Variants in CD7 observed in about 807,000 individuals in gnomAD.
CD7 encodes the protein CD7 molecule, also known as T-cell antigen CD7.
A neutral mutation model predicts 17.6 loss-of-function variants in CD7; 19 were observed. The observed-to-expected ratio is 1.08, with a 90% CI of 0.75 to 1.58. The LOEUF is 1.58. Among genes scored for constraint, CD7 ranks in the 40% most tolerant of loss-of-function variants. CD7 has a pLI of 0.00. For synonymous variants in CD7, 160 were observed against 159.8 expected (o/e 1.00, Z -0.01); for missense variants, 291 against 327.1 (o/e 0.89, Z 0.85).
In CD7 at chr17:82,317,449, A is replaced by G. The variant is rs771126775; in HGVS notation, c.47T>C (p.Leu16Pro). Reference protein sequence around the residue: ...RLLLLPLLLALARGLPGALAA... With the variant: ...RLLLLPLLLAPARGLPGALAA... Reference sequence around the variant, plus strand: ...CAGGGCCCCAGGCAGGCCGCGAGCCAGCGCCAGAAGCAGGGGCAGCAGCAG... The same window carrying G: ...CAGGGCCCCAGGCAGGCCGCGAGCCGGCGCCAGAAGCAGGGGCAGCAGCAG... The change falls in exon 1 of 4, where the codon CTG becomes CCG. Residue 16 changes from leucine (L) to proline (P), a missense_variant. Physicochemically the swap from Leu to Pro is moderately conservative, Grantham distance 98 (BLOSUM62 -3). Transcript: ENST00000312648. The G allele has an allele frequency of 6.4e-7, 1 of 1,573,676 alleles. No homozygotes were observed. The highest frequency in any genetic ancestry group is 8.6e-7 in the Non-Finnish European group (1 of 1,160,318).
Position 82,316,247 on chromosome 17 carries a change from G to A in CD7, c.560C>T (p.Ser187Phe). The change falls in exon 3 of 4, where the codon TCC (serine) becomes TTC (phenylalanine). Residue 187 changes from serine (S) to phenylalanine (F), a missense_variant. Transcript: ENST00000312648. The stretch of plus-strand genomic sequence containing the variant: ...CCCCAGGCCCAGCCCGAGGAGGAAG[G>A]AGATCACCGCCAGGGCCGCAGGGAG... The part of the protein sequence containing the change: ...SALPAALAVI[S>F]FLLGLGLGVA... The A allele has an allele frequency of 5.1e-6, 8 of 1,574,692 alleles. No homozygotes were observed. Among genetic ancestry groups the A allele is most frequent in the Non-Finnish European group, 6.9e-6 (8 of 1,159,454 alleles).
chr17:82,316,046 C>G, intron 3 of CD7, 149 bp downstream of exon 3: 3 of 877,992 alleles, frequency 3.4e-6, no homozygotes, highest in South Asian at 1.4e-5. Flanking sequence ...CCCTCCCCGC[C>G]GAGGCCACTT....
chr17:82,315,718 G>A (rs1034591375), intron 3 of CD7: 6 of 544,072 alleles, frequency 1.1e-5, no homozygotes, highest in East Asian at 6.3e-5. Flanking sequence ...AGCAGGGACC[G>A]AGGGGAGTGG....
intron 3 of CD7, 39 bp from the exon 4 acceptor site, chr17:82,315,470 G>A (rs1182133308): frequency 6.6e-7 from 1 of 1,513,058 alleles, no homozygotes; most frequent in Admixed American, 1.7e-5. Context: ...AGTGGCCAGC[G>A]TGGTGTCCTG....
chr17:82,317,030 A>T, intron 1 of CD7, 49 bp from the exon 2 acceptor site: 1 of 1,478,670 alleles, frequency 6.8e-7, no homozygotes, highest in African/African-American at 1.4e-5. Flanking sequence ...AAGGACAGAG[A>T]ATGTCCTCCC....
chr17:82,317,059 G>A, intron 1 of CD7, 78 bp from the exon 2 acceptor site: 1 of 1,327,994 alleles, frequency 7.5e-7, no homozygotes, highest in Non-Finnish European at 1.0e-6. Context: ...ACAGTGGTGG[G>A]GATGGTGGGG....
chr17:82,316,847 C>G lies in CD7; in HGVS notation c.217G>C (p.Glu73Gln), dbSNP rs769841402. ...GPQPQDIIYY[E>Q]DGVVPTTDRR... ...TCCGTAGTGGGCACCACCCCGTCCT[C>G]GTAGTAAATGATGTCTTGGGGCTGT... Residue 73 changes from glutamate (E) to glutamine (Q), a missense_variant, in exon 2 of 4, where the codon GAG becomes CAG. Coordinates refer to ENST00000312648, the MANE Select transcript of CD7 (RefSeq NM_006137.7). 6.2e-7 allele frequency: 1 copy of G among 1,613,936 alleles called. No individual in the cohort carries two copies. The highest frequency in any genetic ancestry group is 2.2e-5 in the East Asian group (1 of 44,896).
rs2052029981 is a variant in CD7 at position 82,317,584 on chromosome 17, C to A, written c.-89G>T. 3 of 1,237,058 alleles carry A rather than the reference C, an allele frequency of 2.4e-6. No homozygotes were observed. Among genetic ancestry groups the A allele is most frequent in the Non-Finnish European group, 2.2e-6 (2 of 907,762 alleles). 76.6% of individuals were successfully genotyped at this position (1,237,058 alleles called of 1,614,324 possible). On this transcript the variant is annotated 5_prime_UTR_variant, in exon 1 of 4. Transcript: ENST00000312648. ...CCCACAGAGAGCAGCACACAGGAGA[C>A]CGCAGGCGCTCAGAGCTCAGAGAGG... is the stretch of plus-strand genomic sequence containing the variant.
Position 82,315,254 on chromosome 17 carries a change from G to T in CD7, c.*67C>A. The T allele has an allele frequency of 4.0e-6, 4 of 1,000,016 alleles. No individual in the cohort carries two copies. The highest frequency in any genetic ancestry group is 1.3e-5 in the South Asian group (1 of 77,812). The allele number at this position is 1,000,016 out of a possible 1,614,324, so 61.9% of individuals were successfully genotyped here. Reference sequence around the variant, plus strand: ...AGCAGGGTGAGGGGTGTGGCAGGGTGGGGGGCATGGTGGGGCAGGGAAGGT... The same window carrying T: ...AGCAGGGTGAGGGGTGTGGCAGGGTTGGGGGCATGGTGGGGCAGGGAAGGT... On this transcript the variant is annotated 3_prime_UTR_variant, in exon 4 of 4. Coordinates refer to ENST00000312648, the MANE Select transcript of CD7 (RefSeq NM_006137.7).
At chr17:82,317,140 C>T in intron 1 of CD7, 159 bp from the exon 2 acceptor site, 1 of 715,844 alleles carries the variant, frequency 1.4e-6, no homozygotes. Context: ...CAGATCTGGG[C>T]ACCGGCTGTG....
At chr17:82,315,518 A>C in intron 3 of CD7, 87 bp from the exon 4 acceptor site, 1 of 1,025,978 alleles carries the variant, frequency 9.7e-7, no homozygotes, top group Non-Finnish European at 1.5e-6. Context: ...TAATTTTAAC[A>C]CGAGACCCCC....
rs1040420198 is a variant in CD7, at chr17:82,314,938, C to T, written c.*383G>A. 5.1e-5 allele frequency: 12 copies of T among 234,178 alleles called. No homozygotes were observed. The highest frequency in any genetic ancestry group is 1.1e-4 in the South Asian group (2 of 18,440). 14.5% of individuals were successfully genotyped at this position (234,178 alleles called of 1,614,324 possible). On this transcript the variant is annotated 3_prime_UTR_variant, in exon 4 of 4. Transcript: ENST00000312648. This position sits in a 1 kb window ranked among gnomAD's most constrained non-coding sequence, Gnocchi z 6.0. ...GGACTGGTCTCCTCCCGTCCTCTGC[C>T]GGGCTGCCTGGGGGTTGGGGGCCTG...
chr17:82,317,378 G>A (rs528736203), intron 1 of CD7, 36 bp downstream of exon 1: 124 of 1,532,750 alleles, frequency 8.1e-5, no homozygotes, highest in Middle Eastern at 7.7e-4. Flanking sequence ...GGAGAGCTCT[G>A]GAGCTGTGGC....
At chr17:82,316,568 C>A in intron 2 of CD7, 99 bp downstream of exon 2, 1 of 1,384,048 alleles carries the variant, frequency 7.2e-7, no homozygotes, top group Admixed American at 1.7e-5. Flanking sequence ...ACAGTTCAGG[C>A]ACATGTAGGA....
intron 3 of CD7, chr17:82,315,958 C>A: frequency 1.6e-6 from 1 of 638,790 alleles, no homozygotes; most frequent in South Asian, 1.8e-5. Context: ...CACACCTGCA[C>A]ACGCGCACAC....
chr17:82,316,043 C>T (rs2052010438), intron 3 of CD7, 152 bp downstream of exon 3: 15 of 863,872 alleles, frequency 1.7e-5, no homozygotes, highest in Admixed American at 6.8e-5. Context: ...CCTCCCTCCC[C>T]GCCGAGGCCA....
chr17:82,315,663 C>A, intron 3 of CD7: 1 of 555,498 alleles, frequency 1.8e-6, no homozygotes, highest in East Asian at 3.1e-5. Flanking sequence ...GACCCCCCCA[C>A]CAAGCCCAAG....
In CD7 at chr17:82,316,336, T is replaced by A. The variant is rs915702778; in HGVS notation, c.471A>T (p.Thr157=). The stretch of plus-strand genomic sequence containing the variant: ...TCTGCGGGTCAGGGAGGGCGGAGCC[T>A]GTCGGTGGGGCAGGGAGGGCAGAGG... ...PRASALPAPP[T]GSALPDPQTA... is the part of the protein sequence containing the mutation. Residue 157 remains threonine (T), a synonymous_variant, in exon 3 of 4, where the codon ACA becomes ACT. Coordinates refer to ENST00000312648, the MANE Select transcript of CD7 (RefSeq NM_006137.7). The A allele has an allele frequency of 1.1e-5, 17 of 1,586,390 alleles. No homozygotes were observed. In the African/African-American group the frequency reaches 2.2e-4, roughly 20 times the overall value.
chr17:82,315,359 G>A lies in CD7; in HGVS notation c.685C>T (p.Arg229Cys), dbSNP rs759462567. The A allele has an allele frequency of 8.7e-6, 14 of 1,613,242 alleles. No individual in the cohort carries two copies. The highest frequency in any genetic ancestry group is 4.0e-5 in the African/African-American group (3 of 74,852). Residue 229 changes from arginine (R) to cysteine (C), a missense_variant, in exon 4 of 4, where the codon CGC becomes TGC. Arg to Cys is a radical substitution (Grantham distance 180, BLOSUM62 -3). Transcript: ENST00000312648. ...TTGGGGGAGGACAGCGTGTTGCAGC[G>A]GCTGTGCGACATGTCCTCGTACACC... ...CVVYEDMSHS[R>C]CNTLSSPNQY...
Sources: gnomAD v4.1 joint callset for allele counts on GRCh38, gnomAD v4.1.1 for gene constraint, Gnocchi (gnomAD v3.1) non-coding constraint, MANE v1.5 for transcripts, NCBI Gene and HGNC (gene_info 2026-07-23, HGNC 2026-07-21) for gene names.